EPHA5: variants seen among roughly 807,000 people sequenced by gnomAD.
The protein encoded by EPHA5 is EPH receptor A5.
A neutral mutation model predicts 105.0 loss-of-function variants in EPHA5; 60 were observed. The ratio of observed to expected loss-of-function variants is 0.57; its 90% confidence interval spans 0.46 to 0.71. EPHA5 has a LOEUF of 0.71. Ranked by LOEUF, EPHA5 falls within the 30% of genes least tolerant of loss-of-function variation. The probability of loss-of-function intolerance (pLI) is 0.00; values close to 1 mark genes in which losing one functional copy is unlikely to be tolerated. For missense variants in EPHA5, 1,218 were observed against 1,274.7 expected, an observed-to-expected ratio of 0.96 and a Z score of 0.68; for synonymous variants, 513 against 449.1, an observed-to-expected ratio of 1.14 and a Z score of -1.80.
At chr4:65,527,579 T>C (rs950675929) in intron 3 of EPHA5, among the ~76,000 whole-genome samples, 1 of 152,176 alleles carries the variant, frequency 6.6e-6, no homozygotes, top group Non-Finnish European at 1.5e-5. Flanking sequence ...AAATTAGATC[T>C]ATATTTTCAA....
chr4:65,638,410 T>A (rs762468663), intron 2 of EPHA5, among the ~76,000 whole-genome samples: 1 of 151,986 alleles, frequency 6.6e-6, no homozygotes, highest in Non-Finnish European at 1.5e-5. Flanking sequence ...GAAAAAACAA[T>A]CTCTAGAACA....
intron 5 of EPHA5, among the ~76,000 whole-genome samples, chr4:65,427,638 G>A (rs1047333995): frequency 6.6e-6 from 1 of 152,114 alleles, no homozygotes; most frequent in Admixed American, 6.5e-5. Flanking sequence ...AAAGGGAAGA[G>A]GGAAAAATAG....
At chr4:65,618,393 A>G (rs930307987) in intron 2 of EPHA5, among the ~76,000 whole-genome samples, 6 of 152,200 alleles carry the variant, frequency 3.9e-5, no homozygotes, top group Non-Finnish European at 7.3e-5. Context: ...ATAATTATTG[A>G]AAAATTTTTA....
At chr4:65,533,370 A>C (rs1172767865) in intron 3 of EPHA5, among the ~76,000 whole-genome samples, 1 of 152,130 alleles carries the variant, frequency 6.6e-6, no homozygotes. Flanking sequence ...AGGCAGGATA[A>C]ATATTATTAT....
chr4:65,399,088 G>T (rs189392317), intron 8 of EPHA5, among the ~76,000 whole-genome samples: 1 of 152,294 alleles, frequency 6.6e-6, no homozygotes, highest in East Asian at 1.9e-4. Context: ...ACCTATGGGT[G>T]CTCCGAGTCA....
At position 65,669,835 on chromosome 4, in the gene EPHA5, C is replaced by G. The variant is rs573891124; in HGVS notation, c.-93G>C. On this transcript the variant is annotated 5_prime_UTR_variant, in exon 1 of 17. Coordinates refer to ENST00000613740, the MANE Select transcript of EPHA5 (RefSeq NM_001281766.3). Reference sequence around the variant, plus strand: ...GGCGAAGGGAGACTCGGGAGTCCTCCTTGTCCCCCCTTGGGGTCCTACGCC... The same window carrying G: ...GGCGAAGGGAGACTCGGGAGTCCTCGTTGTCCCCCCTTGGGGTCCTACGCC... 4.9e-6 allele frequency: 6 copies of G among 1,232,810 alleles called. No homozygotes were observed. In the African/African-American group the frequency reaches 7.7e-5, roughly 16 times the overall value. The allele number at this position is 1,232,810 out of a possible 1,614,324, so 76.4% of individuals were successfully genotyped here. A position where few individuals can be genotyped will look rare whatever the true frequency, so the allele number is the denominator to read the frequency against.
intron 5 of EPHA5, among the ~76,000 whole-genome samples, chr4:65,433,791 C>T (rs1166640602): frequency 6.6e-6 from 1 of 152,118 alleles, no homozygotes; most frequent in Non-Finnish European, 1.5e-5. Flanking sequence ...CTTGGCTGGG[C>T]GCAGTGGCTC....
At chr4:65,479,667 G>C (rs1224255451) in intron 5 of EPHA5, among the ~76,000 whole-genome samples, 3 of 152,100 alleles carry the variant, frequency 2.0e-5, no homozygotes, top group Non-Finnish European at 1.5e-5. Flanking sequence ...TAGGCAGTAA[G>C]AGAACCTGGG....
intron 16 of EPHA5, among the ~76,000 whole-genome samples, chr4:65,329,960 G>A (rs999547152): frequency 1.3e-5 from 2 of 151,348 alleles, no homozygotes; most frequent in African/African-American, 4.8e-5. Flanking sequence ...GTAGTCGAAA[G>A]CACAGAAAAC....
chr4:65,340,106 G>A (rs908269071), intron 14 of EPHA5, among the ~76,000 whole-genome samples: 3 of 152,112 alleles, frequency 2.0e-5, no homozygotes, highest in Non-Finnish European at 2.9e-5. Context: ...TATGCCAATT[G>A]TAAGCTACTA....
At chr4:65,574,711 T>TATATAC (rs1560718048) in intron 3 of EPHA5, among the ~76,000 whole-genome samples, 69 of 87,400 alleles carry the variant, frequency 7.9e-4, no homozygotes, top group Non-Finnish European at 1.4e-3. Flanking sequence ...TATATATACA[T>TATATAC]ATATATATAC....
chr4:65,493,198 A>C (rs1354181077), intron 4 of EPHA5, among the ~76,000 whole-genome samples: 3 of 152,134 alleles, frequency 2.0e-5, no homozygotes, highest in Non-Finnish European at 4.4e-5. Context: ...AGCTCGAACT[A>C]ACACGCACCT....
chr4:65,502,914 A>G (rs960214490), intron 3 of EPHA5, among the ~76,000 whole-genome samples: 1 of 151,908 alleles, frequency 6.6e-6, no homozygotes, highest in African/African-American at 2.4e-5. Context: ...CAAGTACCGC[A>G]TGGAATACTA....
At chr4:65,588,019 A>C (rs2149409154) in intron 3 of EPHA5, among the ~76,000 whole-genome samples, 1 of 152,294 alleles carries the variant, frequency 6.6e-6, no homozygotes, top group East Asian at 1.9e-4. Flanking sequence ...GTAAAAAGGT[A>C]CAGACTTTGA....
At chr4:65,582,771 T>A (rs949563337) in intron 3 of EPHA5, among the ~76,000 whole-genome samples, 2 of 151,690 alleles carry the variant, frequency 1.3e-5, no homozygotes, top group African/African-American at 4.8e-5. Context: ...AAATTGCCAA[T>A]TTACATATAT....
At chr4:65,549,482 G>A (rs1560682764) in intron 3 of EPHA5, among the ~76,000 whole-genome samples, 1 of 152,060 alleles carries the variant, frequency 6.6e-6, no homozygotes, top group Non-Finnish European at 1.5e-5. Context: ...TTGAAATATA[G>A]AGCTAATAAA....
chr4:65,469,657 T>C lies in EPHA5; in HGVS notation c.1402+20720A>G, dbSNP rs1224520804. Among the ~76,000 whole-genome samples the C allele has an allele frequency of 4.6e-5, 7 of 152,312 alleles. No individual in the cohort carries two copies. The East Asian group carries it at 1.4e-3, about 29-fold the overall frequency. On this transcript the variant is annotated intron_variant, in intron 5 of 16. Transcript: ENST00000613740. ...ATTCAGGAGAAAAACACAGATTTTGTCTCTGTTTCTAATTTAACACAAAAA... is the reference window on the plus strand; with the variant it reads ...ATTCAGGAGAAAAACACAGATTTTGCCTCTGTTTCTAATTTAACACAAAAA...
chr4:65,358,497 C>T (rs982210764), intron 11 of EPHA5, among the ~76,000 whole-genome samples: 1 of 151,324 alleles, frequency 6.6e-6, no homozygotes, highest in South Asian at 2.1e-4. Context: ...TTTATTCTTA[C>T]CCCAAAAGAA....
At chr4:65,348,676 AT>A (rs1722464443) in intron 13 of EPHA5, among the ~76,000 whole-genome samples, 1 of 78,526 alleles carries the variant, frequency 1.3e-5, no homozygotes, top group Non-Finnish European at 2.8e-5. Context: ...ATATATATAT[AT>A]ATATATATAT....
Sources: gnomAD v4.1 joint callset for allele counts (sites outside exome capture counted in the v4.1 genomes callset) on GRCh38, gnomAD v4.1.1 for gene constraint, MANE v1.5 for transcripts, NCBI Gene and HGNC (gene_info 2026-07-23, HGNC 2026-07-21) for gene names.